Variants in SRD5A2 observed in about 807,000 individuals in gnomAD.
SRD5A2 encodes steroid 5 alpha-reductase 2.
A neutral mutation model predicts 27.4 loss-of-function variants in SRD5A2; 30 were observed. The observed-to-expected ratio is 1.10, with a 90% CI of 0.82 to 1.49. SRD5A2 has a LOEUF of 1.49. SRD5A2 is among the 40% of genes most tolerant of loss of function. The pLI is 0.00. For missense variants in SRD5A2, 348 were observed against 323.4 expected, an observed-to-expected ratio of 1.08 and a Z score of -0.58; for synonymous variants, 141 against 133.6, an observed-to-expected ratio of 1.06 and a Z score of -0.38.
chr2:31,577,719 G>C (rs1448401423), intron 1 of SRD5A2, among the ~76,000 whole-genome samples: 1 of 152,106 alleles, frequency 6.6e-6, no homozygotes, highest in African/African-American at 2.4e-5. Flanking sequence ...ATAAAGCCAA[G>C]ACAGCCTGAT....
intron 1 of SRD5A2, among the ~76,000 whole-genome samples, chr2:31,541,605 C>T (rs1666130766): frequency 6.6e-6 from 1 of 150,424 alleles, no homozygotes; most frequent in African/African-American, 2.5e-5. Flanking sequence ...AAAGCACCTT[C>T]GTAAAAACAG....
At chr2:31,584,786 A>C (rs1215435603), upstream of SRD5A2, among the ~76,000 whole-genome samples, 1 of 152,248 alleles carries the variant, frequency 6.6e-6, no homozygotes, top group African/African-American at 2.4e-5. Flanking sequence ...TTCCCCAACA[A>C]GGACACCAAT....
chr2:31,553,694 C>A (rs1283755512), intron 1 of SRD5A2, among the ~76,000 whole-genome samples: 1 of 152,158 alleles, frequency 6.6e-6, no homozygotes, highest in Non-Finnish European at 1.5e-5. Context: ...TACTACTCTG[C>A]AATCTAAAGG....
chr2:31,617,466 C>T, the SRD5A2 span, among the ~76,000 whole-genome samples: 5 of 152,188 alleles, frequency 3.3e-5, no homozygotes, highest in Non-Finnish European at 7.3e-5. Flanking sequence ...CATTTGGCTC[C>T]TCATTACTCA....
chr2:31,651,600 A>C, the SRD5A2 span: 1 of 155,884 alleles, frequency 6.4e-6, no homozygotes. Flanking sequence ...GCTTAACTTT[A>C]TCGTTACAAA....
the SRD5A2 span, among the ~76,000 whole-genome samples, chr2:31,634,601 A>C: frequency 6.6e-6 from 1 of 152,090 alleles, no homozygotes; most frequent in Non-Finnish European, 1.5e-5. Context: ...ACATACATAT[A>C]ATTTACTATC....
chr2:31,579,431 T>G (rs1667025307), intron 1 of SRD5A2, among the ~76,000 whole-genome samples: 1 of 152,238 alleles, frequency 6.6e-6, no homozygotes, highest in Non-Finnish European at 1.5e-5. Context: ...AATCTTCTAC[T>G]CAAAATAAGG....
the SRD5A2 span, among the ~76,000 whole-genome samples, chr2:31,626,693 C>G: frequency 6.6e-6 from 1 of 152,074 alleles, no homozygotes; most frequent in Non-Finnish European, 1.5e-5. Context: ...GCCTTGCATC[C>G]CAGGGATGAA....
the SRD5A2 span, among the ~76,000 whole-genome samples, chr2:31,589,988 C>A: frequency 3.3e-5 from 5 of 152,152 alleles, no homozygotes; most frequent in East Asian, 9.7e-4. Flanking sequence ...CCCGTCACTG[C>A]CTGTTTTCCC....
At chr2:31,623,823 A>G in the SRD5A2 span, among the ~76,000 whole-genome samples, 1 of 152,082 alleles carries the variant, frequency 6.6e-6, no homozygotes, top group African/African-American at 2.4e-5. Context: ...GCAATGTTGA[A>G]TTTTATTGAA....
At chr2:31,595,891 T>A in the SRD5A2 span, among the ~76,000 whole-genome samples, 1 of 152,190 alleles carries the variant, frequency 6.6e-6, no homozygotes, top group African/African-American at 2.4e-5. Context: ...GACGCAGGGT[T>A]GGCTTAATAT....
intron 4 of SRD5A2, among the ~76,000 whole-genome samples, chr2:31,526,565 G>C (rs2148061098): frequency 6.6e-6 from 1 of 152,126 alleles, no homozygotes; most frequent in East Asian, 1.9e-4. Context: ...TAAAATTTTT[G>C]TTACGTATAT....
At chr2:31,632,567 A>G in the SRD5A2 span, among the ~76,000 whole-genome samples, 2 of 152,090 alleles carry the variant, frequency 1.3e-5, no homozygotes, top group Non-Finnish European at 2.9e-5. Flanking sequence ...GGTATGCTTG[A>G]GCGTTGGGGG....
intron 1 of SRD5A2, among the ~76,000 whole-genome samples, chr2:31,543,274 C>T (rs1486000223): frequency 6.6e-6 from 1 of 152,148 alleles, no homozygotes; most frequent in Non-Finnish European, 1.5e-5. Flanking sequence ...TGCTGCCCTA[C>T]ATCTGCCATG....
chr2:31,569,677 C>CAAA (rs11421066), intron 1 of SRD5A2, among the ~76,000 whole-genome samples: 26 of 138,578 alleles, frequency 1.9e-4, no homozygotes, highest in African/African-American at 6.9e-4. Context: ...AAACAAAAAA[C>CAAA]AAAAAAAAAA....
intron 1 of SRD5A2, among the ~76,000 whole-genome samples, chr2:31,557,176 A>C (rs1666514284): frequency 6.6e-6 from 1 of 152,198 alleles, no homozygotes; most frequent in South Asian, 2.1e-4. Flanking sequence ...CCCTGGTTGC[A>C]CAAGCAAGTC....
upstream of SRD5A2, among the ~76,000 whole-genome samples, chr2:31,583,371 C>T (rs921241072): frequency 6.6e-6 from 1 of 152,086 alleles, no homozygotes; most frequent in Non-Finnish European, 1.5e-5. Flanking sequence ...ATTCTAGAGC[C>T]AAAGTGAGAG....
At chr2:31,533,007 AGTTTTGGAT>A (rs917186151) in intron 2 of SRD5A2, among the ~76,000 whole-genome samples, 1 of 152,190 alleles carries the variant, frequency 6.6e-6, no homozygotes, top group Non-Finnish European at 1.5e-5. Context: ...AGCCCAGGAC[AGTTTTGGAT>A]GTGGCCTGAC....
intron 1 of SRD5A2, among the ~76,000 whole-genome samples, chr2:31,537,559 T>C (rs1445430964): frequency 6.6e-6 from 1 of 152,184 alleles, no homozygotes; most frequent in Non-Finnish European, 1.5e-5. Flanking sequence ...GCTTCACTGA[T>C]CTGTTCTCAT....
Sources: gnomAD v4.1 joint callset for allele counts (sites outside exome capture counted in the v4.1 genomes callset) on GRCh38, gnomAD v4.1.1 for gene constraint, MANE v1.5 for transcripts, NCBI Gene and HGNC (gene_info 2026-07-23, HGNC 2026-07-21) for gene names.